Variants in DGLUCY observed in about 807,000 individuals in gnomAD.
The protein encoded by DGLUCY is D-glutamate cyclase, mitochondrial.
Under a neutral mutation model 58.5 loss-of-function variants are expected in DGLUCY, and 58 were observed. The observed-to-expected ratio is 0.99, with a 90% CI of 0.80 to 1.23. DGLUCY has a LOEUF of 1.23. Among genes scored for constraint, DGLUCY ranks in the 50% most tolerant of loss-of-function variants. DGLUCY has a pLI of 0.00. For missense variants in DGLUCY, 779 were observed against 784.7 expected (o/e 0.99, Z 0.09); for synonymous variants, 325 against 314.1 (o/e 1.03, Z -0.37).
Position 91,170,107 on chromosome 14 carries a change from TC to T in DGLUCY, c.364del (p.Leu122TrpfsTer50). 1 of 1,613,132 alleles carries T rather than the reference TC, an allele frequency of 6.2e-7. No individual in the cohort carries two copies. Among genetic ancestry groups the T allele is most frequent in the Non-Finnish European group, 8.5e-7 (1 of 1,180,034 alleles). ...CAGCTGAAGGACATGGTGGCCTTCTTCCTGGGCTGCAGCTTCTCCCTGGAGG... is the reference window on the plus strand; with the variant it reads ...CAGCTGAAGGACATGGTGGCCTTCTTCTGGGCTGCAGCTTCTCCCTGGAGG... ...SEQLKDMVAF[F>X]LGCSFSLEEA... On this transcript the variant is annotated frameshift_variant, in exon 5 of 14. Coordinates refer to ENST00000256324, the MANE Select transcript of DGLUCY (RefSeq NM_001102368.3). LOFTEE classifies it high-confidence loss of function.
intron 13 of DGLUCY, among the ~76,000 whole-genome samples, chr14:91,223,387 A>T (rs1310985293): frequency 6.6e-6 from 1 of 152,084 alleles, no homozygotes; most frequent in East Asian, 1.9e-4. Flanking sequence ...TAGCCGCCCT[A>T]ATGTCCTATT....
intron 1 of DGLUCY, among the ~76,000 whole-genome samples, chr14:91,119,175 C>G (rs1219942029): frequency 6.6e-6 from 1 of 152,010 alleles, no homozygotes; most frequent in Non-Finnish European, 1.5e-5. Flanking sequence ...AACTCTGCTC[C>G]ACAGGGTCAT....
chr14:91,153,586 A>G (rs1024537674), intron 1 of DGLUCY, among the ~76,000 whole-genome samples: 3 of 152,196 alleles, frequency 2.0e-5, no homozygotes, highest in Non-Finnish European at 4.4e-5. Flanking sequence ...CTCTGAACTG[A>G]AAGGAAAAGA....
In DGLUCY at chr14:91,063,674, A is replaced by G. The variant is rs115382376; in HGVS notation, c.-82+2970A>G. Among the ~76,000 whole-genome samples the G allele has an allele frequency of 5.3e-3, 807 of 152,374 alleles. 3 individuals carry two copies. Among genetic ancestry groups the G allele is most frequent in the African/African-American group, 0.018 (753 of 41,598 alleles). On this transcript the variant is annotated intron_variant, in intron 1 of 4. Transcript: ENST00000521334. The stretch of plus-strand genomic sequence containing the variant: ...ATGTCCTGAGGCAGGCAAAGAGCCT[A>G]TTCGGTTGAGAGATTGAGAAAGGCA...
At chr14:91,070,523 A>C (rs2043897298) in intron 1 of DGLUCY, among the ~76,000 whole-genome samples, 1 of 152,172 alleles carries the variant, frequency 6.6e-6, no homozygotes, top group East Asian at 1.9e-4. Flanking sequence ...TCTCTTTTTA[A>C]AATAAAAAAA....
intron 1 of DGLUCY, among the ~76,000 whole-genome samples, chr14:91,088,005 C>T (rs2044250059): frequency 6.6e-6 from 1 of 152,038 alleles, no homozygotes; most frequent in African/African-American, 2.4e-5. Context: ...TCAGAGGAGG[C>T]ATCTTGGGGA....
Position 91,172,703 on chromosome 14 carries a change from A to G in DGLUCY, c.457-586A>G, listed in dbSNP as rs574507689. Among the ~76,000 whole-genome samples the G allele has an allele frequency of 8.0e-5, 12 of 150,662 alleles. 1 individual carries two copies. The South Asian group carries it at 2.3e-3, about 29-fold the overall frequency. ...GCTCTGTCACCCAGGCCGGAGTGCA[A>G]TGGTGTGATTTCGGCTCACTGCAAT... On this transcript the variant is annotated intron_variant, in intron 5 of 13. Coordinates refer to ENST00000256324, the MANE Select transcript of DGLUCY (RefSeq NM_001102368.3).
rs151091302 is a variant in DGLUCY, at chr14:91,213,857, G to A, written c.1565-1548G>A. Among the ~76,000 whole-genome samples the A allele has an allele frequency of 7.3e-3, 1,116 of 152,016 alleles. 8 individuals are homozygous for A. Among genetic ancestry groups the A allele is most frequent in the Non-Finnish European group, 0.011 (768 of 67,968 alleles). ...TAGGATTACAGGCACCCTCCACCAC[G>A]CCCTGCTGATTTTTGTATTTTTAGT... On this transcript the variant is annotated intron_variant, in intron 12 of 13. Transcript: ENST00000256324.
At chr14:91,202,771 C>G (rs1175334913) in intron 11 of DGLUCY, among the ~76,000 whole-genome samples, 1 of 152,224 alleles carries the variant, frequency 6.6e-6, no homozygotes, top group Non-Finnish European at 1.5e-5. Flanking sequence ...TGTGACGACC[C>G]TGAGATCCCA....
chr14:91,167,301 T>G lies in DGLUCY; in HGVS notation c.180T>G (p.Thr60=), dbSNP rs372209590. The G allele has an allele frequency of 6.2e-7, 1 of 1,613,812 alleles. No individual in the cohort carries two copies. The highest frequency in any genetic ancestry group is 8.5e-7 in the Non-Finnish European group (1 of 1,179,954). ...PAFERFCQVN[T]GPLPLLGQSE... ...TTGAAAGATTCTGCCAGGTCAACAC[T>G]GGTCCTCTACCCCTGCTGGGCCAGA... Residue 60 remains threonine, a synonymous_variant, in exon 4 of 14, where the codon ACT becomes ACG. Coordinates refer to ENST00000256324, the MANE Select transcript of DGLUCY (RefSeq NM_001102368.3).
At chr14:91,180,424 T>C (rs1296772243) in intron 7 of DGLUCY, among the ~76,000 whole-genome samples, 2 of 151,236 alleles carry the variant, frequency 1.3e-5, no homozygotes, top group African/African-American at 2.4e-5. Context: ...ATACTAAAAT[T>C]AGCCAGGCGT....
chr14:91,210,396 G>T (rs1885486049), intron 12 of DGLUCY, among the ~76,000 whole-genome samples: 1 of 151,768 alleles, frequency 6.6e-6, no homozygotes, highest in African/African-American at 2.4e-5. Context: ...GCTGAGCATG[G>T]TGGTGTGCAC....
intron 11 of DGLUCY, among the ~76,000 whole-genome samples, chr14:91,201,050 T>C (rs1028015237): frequency 3.9e-5 from 6 of 151,922 alleles, no homozygotes; most frequent in African/African-American, 1.5e-4. Flanking sequence ...TCTTACAAAG[T>C]ACATTCACAA....
intron 1 of DGLUCY, among the ~76,000 whole-genome samples, chr14:91,064,480 G>A (rs1002236001): frequency 1.6e-4 from 24 of 151,808 alleles, no homozygotes; most frequent in African/African-American, 5.6e-4. Flanking sequence ...AAAATTAGCT[G>A]GGCATGGTGG....
intron 4 of DGLUCY, chr14:91,167,721 A>G: frequency 2.9e-6 from 2 of 696,464 alleles, no homozygotes; most frequent in African/African-American, 1.8e-5. Context: ...TGCATTACCA[A>G]CACCCAGAGA....
chr14:91,085,823 C>T (rs2140055947), intron 1 of DGLUCY, among the ~76,000 whole-genome samples: 2 of 152,256 alleles, frequency 1.3e-5, no homozygotes, highest in Non-Finnish European at 2.9e-5. Flanking sequence ...CCTGCCTTAG[C>T]CTCCCAAAGT....
upstream of DGLUCY, among the ~76,000 whole-genome samples, chr14:91,103,944 C>T (rs74787233): frequency 0.027 from 4,144 of 152,094 alleles, 193 homozygotes; most frequent in African/African-American, 0.094. Flanking sequence ...CCCTTGCCTC[C>T]CATTCCCTCC....
intron 8 of DGLUCY, among the ~76,000 whole-genome samples, chr14:91,184,668 G>A (rs1228330572): frequency 3.6e-5 from 5 of 137,758 alleles, no homozygotes; most frequent in Non-Finnish European, 7.8e-5. Context: ...AAGGAGGGAG[G>A]GAGGGAGGGA....
chr14:91,173,724 TG>T (rs1248953672), intron 6 of DGLUCY: 1 of 330,692 alleles, frequency 3.0e-6, no homozygotes, highest in African/African-American at 2.1e-5. Context: ...GTATCAGGGC[TG>T]GGCTTACAGA....
Sources: allele counts gnomAD v4.1 joint callset (sites outside exome capture counted in the v4.1 genomes callset), GRCh38; gene constraint gnomAD v4.1.1; transcripts MANE v1.5; gene names NCBI Gene and HGNC (gene_info 2026-07-23, HGNC 2026-07-21).